The following HERC3 variants were observed in gnomAD, a reference collection of about 807,000 sequenced individuals.
HERC3 encodes the protein probable E3 ubiquitin-protein ligase HERC3.
Under a neutral mutation model 129.9 loss-of-function variants are expected in HERC3, and 58 were observed. That is an observed-to-expected ratio of 0.45 (90% confidence interval 0.36 to 0.56). The LOEUF (loss-of-function observed/expected upper bound fraction) is 0.56, where lower values mean the gene tolerates loss of function less well. Ranked by LOEUF, HERC3 falls within the 20% of genes least tolerant of loss-of-function variation. The pLI is 0.00. For synonymous variants in HERC3, 430 were observed against 451.0 expected (o/e 0.95, Z 0.59); for missense variants, 835 against 1,244.2 (o/e 0.67, Z 4.95).
rs1051789931 is a variant in HERC3 at position 88,677,134 on chromosome 4, C to CA, written c.2025+722dup. Reference sequence around the variant, plus strand: ...TGGGCGACAGAGCAAGATTCTGTCTCAAAAAAAAAAAGAAATGTAGAAACC... The same window carrying CA: ...TGGGCGACAGAGCAAGATTCTGTCTCAAAAAAAAAAAAGAAATGTAGAAACC... On this transcript the variant is annotated intron_variant, in intron 18 of 25. Transcript: ENST00000402738. Among the ~76,000 whole-genome samples the CA allele has an allele frequency of 1.9e-3, 260 of 137,826 alleles. 2 individuals carry two copies. Among genetic ancestry groups the CA allele is most frequent in the South Asian group, 4.8e-3 (21 of 4,372 alleles). 90.4% of individuals were successfully genotyped at this position (137,826 alleles called of 152,430 possible).
At chr4:88,677,091 C>T (rs1386743638) in intron 18 of HERC3, among the ~76,000 whole-genome samples, 2 of 151,824 alleles carry the variant, frequency 1.3e-5, no homozygotes, top group Admixed American at 6.6e-5. Context: ...GCCGAGATTG[C>T]GCCACTGCAC....
At chr4:88,601,792 T>G (rs542089945) in intron 2 of HERC3, among the ~76,000 whole-genome samples, 1 of 139,814 alleles carries the variant, frequency 7.2e-6, no homozygotes, top group African/African-American at 3.2e-5. Flanking sequence ...CGCGGTGGCT[T>G]ACGCCTGTAA....
chr4:88,685,469 C>T (rs953115118), intron 21 of HERC3, among the ~76,000 whole-genome samples: 18 of 152,052 alleles, frequency 1.2e-4, no homozygotes, highest in Non-Finnish European at 2.4e-4. Flanking sequence ...AAGCTGGAAG[C>T]CATCATTCTT....
chr4:88,576,243 AT>A, the HERC3 span, among the ~76,000 whole-genome samples: 1 of 151,730 alleles, frequency 6.6e-6, no homozygotes, highest in Non-Finnish European at 1.5e-5. Context: ...GTTGGCCTTT[AT>A]AATTCTACTA....
At chr4:88,704,863 C>CTTTCTTTTTTTTT (rs1336673525) in intron 25 of HERC3, among the ~76,000 whole-genome samples, 6,642 of 129,312 alleles carry the variant, frequency 0.051, 356 homozygotes, top group South Asian at 0.22. Flanking sequence ...TTCTTTCTTT[C>CTTTCTTTTTTTTT]TTTTTTTTTT....
chr4:88,690,168 G>T (rs1003045629), intron 23 of HERC3: 1 of 984,974 alleles, frequency 1.0e-6, no homozygotes, highest in Non-Finnish European at 1.2e-6. Flanking sequence ...ATCTCTTGGG[G>T]CTAAAAGCAG....
chr4:88,650,078 G>C, intron 4 of HERC3, 79 bp downstream of exon 4: 1 of 1,402,126 alleles, frequency 7.1e-7, no homozygotes, highest in Non-Finnish European at 9.8e-7. Context: ...TTTTTCTTCT[G>C]TTTTCTTCAT....
Position 88,681,226 on chromosome 4 carries a change from C to G in HERC3, c.2408C>G (p.Thr803Ser), listed in dbSNP as rs778373340. ...ITCGLAIYNS[T>S]VVDLHFPLAL... is the part of the protein sequence containing the mutation. ...TGTGGACTAGCTATCTACAACTCCA[C>G]TGTGGTCGATCTCCACTTCCCATTG... The change falls in exon 21 of 26, where the codon ACT (threonine) becomes AGT (serine). Residue 803 changes from threonine to serine, a missense_variant. Thr to Ser is a moderately conservative substitution (Grantham distance 58). Coordinates refer to ENST00000402738, the MANE Select transcript of HERC3 (RefSeq NM_014606.3). 2 of 1,613,956 alleles carry G rather than the reference C, an allele frequency of 1.2e-6. No individual in the cohort carries two copies. The highest frequency in any genetic ancestry group is 8.5e-7 in the Non-Finnish European group (1 of 1,179,816).
At chr4:88,649,497 A>C (rs1023968069) in intron 3 of HERC3, among the ~76,000 whole-genome samples, 1 of 152,018 alleles carries the variant, frequency 6.6e-6, no homozygotes, top group South Asian at 2.1e-4. Context: ...TTTCCACTCA[A>C]CATTTAGGCC....
At chr4:88,646,061 G>T (rs941435007) in intron 3 of HERC3, among the ~76,000 whole-genome samples, 1 of 152,092 alleles carries the variant, frequency 6.6e-6, no homozygotes, top group African/African-American at 2.4e-5. Context: ...AGTATAATGG[G>T]CTTTGAAGTC....
At chr4:88,599,996 C>G (rs1016254806) in intron 2 of HERC3, among the ~76,000 whole-genome samples, 4 of 151,904 alleles carry the variant, frequency 2.6e-5, no homozygotes, top group Non-Finnish European at 4.4e-5. Flanking sequence ...TTTACTTCAT[C>G]TTTTTTTTGT....
At chr4:88,653,577 G>C (rs1729528066) in intron 6 of HERC3, among the ~76,000 whole-genome samples, 1 of 152,234 alleles carries the variant, frequency 6.6e-6, no homozygotes, top group Non-Finnish European at 1.5e-5. Context: ...TTTTCTCAGT[G>C]AGAGGGGAAG....
At chr4:88,538,434 G>A in the HERC3 span, among the ~76,000 whole-genome samples, 56 of 152,192 alleles carry the variant, frequency 3.7e-4, no homozygotes, top group African/African-American at 1.3e-3. Context: ...AGGTATCAAC[G>A]TGTTGGCAGG....
intron 3 of HERC3, among the ~76,000 whole-genome samples, chr4:88,626,308 A>G (rs1726092435): frequency 6.6e-6 from 1 of 151,994 alleles, no homozygotes; most frequent in Admixed American, 6.6e-5. Flanking sequence ...CAACCTCCCA[A>G]GAAGCTGGGA....
chr4:88,526,404 A>G, the HERC3 span, among the ~76,000 whole-genome samples: 1 of 152,240 alleles, frequency 6.6e-6, no homozygotes, highest in Non-Finnish European at 1.5e-5. Flanking sequence ...GAGTCAAAAT[A>G]AATTTTCCAC....
At chr4:88,650,123 T>G in intron 4 of HERC3, 124 bp downstream of exon 4, 1 of 928,200 alleles carries the variant, frequency 1.1e-6, no homozygotes, top group South Asian at 1.8e-5. Flanking sequence ...CTCCTGTGCC[T>G]TATACTATTA....
the HERC3 span, among the ~76,000 whole-genome samples, chr4:88,561,599 G>T: frequency 6.6e-6 from 1 of 151,910 alleles, no homozygotes; most frequent in Non-Finnish European, 1.5e-5. Flanking sequence ...TCAAACACTA[G>T]ATCTTATTCA....
At chr4:88,664,836 C>T (rs1193781340) in intron 12 of HERC3, among the ~76,000 whole-genome samples, 3 of 152,112 alleles carry the variant, frequency 2.0e-5, no homozygotes, top group Admixed American at 2.0e-4. Flanking sequence ...TTAGGTCCAG[C>T]CCAGCTCACC....
At chr4:88,592,115 A>G (rs1158490067), upstream of HERC3, among the ~76,000 whole-genome samples, 4 of 152,224 alleles carry the variant, frequency 2.6e-5, no homozygotes, top group Admixed American at 6.5e-5. Flanking sequence ...TTCATAAATA[A>G]TAAAAACCAG....
Sources: allele counts gnomAD v4.1 joint callset (sites outside exome capture counted in the v4.1 genomes callset), GRCh38; gene constraint gnomAD v4.1.1; transcripts MANE v1.5; gene names NCBI Gene and HGNC (gene_info 2026-07-23, HGNC 2026-07-21).